Variants in STAB2 observed in about 807,000 individuals in gnomAD.
STAB2 encodes stabilin-2.
Under a neutral mutation model 338.1 loss-of-function variants are expected in STAB2, and 288 were observed. That is an observed-to-expected ratio of 0.85 (90% CI 0.77 to 0.94). STAB2 has a LOEUF of 0.94. Ranked by LOEUF, STAB2 falls within the 40% of genes least tolerant of loss-of-function variation. STAB2 has a pLI of 0.00. For synonymous variants in STAB2, 1,202 were observed against 1,193.3 expected (o/e 1.01, Z -0.15); for missense variants, 3,141 against 3,210.1 (o/e 0.98, Z 0.52).
rs746089959 is a variant in STAB2, at chr12:103,753,342, T to C, written c.6703T>C (p.Tyr2235His). 59 of 1,614,118 alleles carry C rather than the reference T, an allele frequency of 3.7e-5. No individual in the cohort carries two copies. Among genetic ancestry groups the C allele is most frequent in the Non-Finnish European group, 4.6e-5 (54 of 1,180,036 alleles). Residue 2235 changes from tyrosine to histidine, a missense_variant, in exon 61 of 69, where the codon TAT becomes CAT. Physicochemically the swap from Tyr to His is moderately conservative, Grantham distance 83. Coordinates refer to ENST00000388887, the MANE Select transcript of STAB2 (RefSeq NM_017564.10). ...CATGGCAACCTACAACCAGCTCTCC[T>C]ATGCCCAGAAGGTGGGTCTTCAGTT... Reference protein sequence around the residue: ...ATMATYNQLSYAQKAKYHLCS... With the variant: ...ATMATYNQLSHAQKAKYHLCS...
intron 30 of STAB2, among the ~76,000 whole-genome samples, chr12:103,691,106 T>C (rs1033940583): frequency 6.6e-6 from 1 of 152,228 alleles, no homozygotes; most frequent in African/African-American, 2.4e-5. Context: ...AAGCTTATCA[T>C]CTGGCACTTT....
At chr12:103,594,826 C>G (rs535912159) in intron 3 of STAB2, among the ~76,000 whole-genome samples, 2 of 152,254 alleles carry the variant, frequency 1.3e-5, no homozygotes, top group South Asian at 4.1e-4. Context: ...TTAGGACCCC[C>G]AAATACAATT....
intron 42 of STAB2, among the ~76,000 whole-genome samples, chr12:103,714,913 T>C (rs145456256): frequency 1.3e-5 from 2 of 152,220 alleles, no homozygotes; most frequent in East Asian, 3.8e-4. Flanking sequence ...TTACCATTCA[T>C]ATTCTAATTT....
At chr12:103,631,426 T>C (rs1245854834) in intron 5 of STAB2, among the ~76,000 whole-genome samples, 172 bp from the exon 6 acceptor site, 1 of 119,118 alleles carries the variant, frequency 8.4e-6, no homozygotes, top group Non-Finnish European at 1.7e-5. Flanking sequence ...GGCATTCCTA[T>C]CCATATGTTA....
chr12:103,608,768 A>C (rs1375650463), intron 3 of STAB2, among the ~76,000 whole-genome samples: 1 of 152,186 alleles, frequency 6.6e-6, no homozygotes, highest in Non-Finnish European at 1.5e-5. Flanking sequence ...TCCCATGCCT[A>C]TGTCCTGAAT....
intron 34 of STAB2, among the ~76,000 whole-genome samples, chr12:103,700,216 G>A (rs1878744274): frequency 6.6e-6 from 1 of 152,042 alleles, no homozygotes; most frequent in African/African-American, 2.4e-5. Context: ...CAAATATCAA[G>A]TAAAAAGATC....
At chr12:103,732,483 A>G (rs1881711351) in intron 50 of STAB2, among the ~76,000 whole-genome samples, 1 of 152,116 alleles carries the variant, frequency 6.6e-6, no homozygotes, top group Admixed American at 6.6e-5. Flanking sequence ...GGACTCCAGA[A>G]TTTGACTTTC....
intron 3 of STAB2, among the ~76,000 whole-genome samples, chr12:103,597,168 A>G (rs1214700699): frequency 6.6e-6 from 1 of 152,060 alleles, no homozygotes; most frequent in African/African-American, 2.4e-5. Flanking sequence ...TCCTTTGGCT[A>G]GGGAAAAAGA....
intron 16 of STAB2, 29 bp from the exon 17 acceptor site, chr12:103,660,654 C>A (rs1874532071): frequency 6.2e-7 from 1 of 1,612,798 alleles, no homozygotes; most frequent in South Asian, 1.1e-5. Context: ...TCCCAAATAT[C>A]TCTGCCTTTT....
At chr12:103,626,818 T>C (rs1456846970) in intron 5 of STAB2, among the ~76,000 whole-genome samples, 1 of 152,214 alleles carries the variant, frequency 6.6e-6, no homozygotes, top group Non-Finnish European at 1.5e-5. Flanking sequence ...GGCACTCTCC[T>C]ACCAGACTGC....
chr12:103,648,997 G>A (rs1024855382), intron 10 of STAB2, among the ~76,000 whole-genome samples, 174 bp downstream of exon 10: 1 of 152,196 alleles, frequency 6.6e-6, no homozygotes, highest in Non-Finnish European at 1.5e-5. Context: ...AAGAAGACAA[G>A]CAAAGAGATA....
chr12:103,664,750 A>T (rs1874925690), intron 18 of STAB2, among the ~76,000 whole-genome samples: 1 of 152,200 alleles, frequency 6.6e-6, no homozygotes, highest in South Asian at 2.1e-4. Context: ...TTAATTCTAG[A>T]TATTTTAATT....
At chr12:103,669,728 G>A (rs905240346) in intron 21 of STAB2, 101 bp downstream of exon 21, 3 of 1,076,528 alleles carry the variant, frequency 2.8e-6, no homozygotes, top group East Asian at 2.4e-5. Flanking sequence ...TTCCCAGGAA[G>A]CAAAAGAAAT....
intron 46 of STAB2, among the ~76,000 whole-genome samples, chr12:103,727,010 C>G (rs898228754): frequency 6.6e-6 from 1 of 151,940 alleles, no homozygotes; most frequent in African/African-American, 2.4e-5. Flanking sequence ...ACTAGGGAGG[C>G]AGCTATTATT....
intron 42 of STAB2, among the ~76,000 whole-genome samples, chr12:103,714,951 G>A (rs1880187922): frequency 6.6e-6 from 1 of 152,000 alleles, no homozygotes; most frequent in Admixed American, 6.6e-5. Context: ...TGTCCTTTTT[G>A]ACAATTTTTC....
rs1220971937 is a variant in STAB2 at position 103,748,962 on chromosome 12, G to C, written c.6245-1G>C. On this transcript the variant is annotated splice_acceptor_variant, in intron 58 of 68. Transcript: ENST00000388887. LOFTEE classifies it high-confidence loss of function. Reference sequence around the variant, plus strand: ...GAGCCCTCTCTCCTCTGCTCTTGCAGTTGTGGATTTCTGCAAACAGGACAA... The same window carrying C: ...GAGCCCTCTCTCCTCTGCTCTTGCACTTGTGGATTTCTGCAAACAGGACAA... The C allele has an allele frequency of 6.2e-7, 1 of 1,612,508 alleles. No homozygotes were observed. The highest frequency in any genetic ancestry group is 1.7e-5 in the Admixed American group (1 of 59,924).
chr12:103,658,191 A>G (rs902000821), intron 15 of STAB2, among the ~76,000 whole-genome samples: 5 of 152,246 alleles, frequency 3.3e-5, no homozygotes, highest in African/African-American at 1.2e-4. Flanking sequence ...GTTCAAGGTC[A>G]AATTATCTCT....
chr12:103,660,830 C>A, intron 17 of STAB2, 67 bp downstream of exon 17: 1 of 1,508,484 alleles, frequency 6.6e-7, no homozygotes, highest in Non-Finnish European at 9.2e-7. Context: ...GATTATTCAT[C>A]AGGTTATCCT....
chr12:103,612,963 G>A (rs993447258), intron 3 of STAB2, among the ~76,000 whole-genome samples: 5 of 152,220 alleles, frequency 3.3e-5, no homozygotes, highest in Non-Finnish European at 7.3e-5. Context: ...TCCAGATCCT[G>A]TTTGCCTGGG....
Sources: gnomAD v4.1 joint callset for allele counts (sites outside exome capture counted in the v4.1 genomes callset) on GRCh38, gnomAD v4.1.1 for gene constraint, MANE v1.5 for transcripts, NCBI Gene and HGNC (gene_info 2026-07-23, HGNC 2026-07-21) for gene names.